BBS9: variants seen among roughly 807,000 people sequenced by gnomAD.
BBS9 encodes the protein Bardet-Biedl syndrome 9.
Under a neutral mutation model 117.7 loss-of-function variants are expected in BBS9, and 89 were observed. The ratio of observed to expected loss-of-function variants is 0.76; its 90% CI spans 0.64 to 0.90. The LOEUF (loss-of-function observed/expected upper bound fraction) is 0.90. BBS9 is among the 40% of genes least tolerant of loss of function. BBS9 has a pLI of 0.00. For missense variants in BBS9, 982 were observed against 1,042.2 expected, an observed-to-expected ratio of 0.94 and a Z score of 0.80; for synonymous variants, 379 against 370.9, an observed-to-expected ratio of 1.02 and a Z score of -0.25.
intron 21 of BBS9, among the ~76,000 whole-genome samples, chr7:33,579,954 C>T (rs1859599400): frequency 6.6e-6 from 1 of 152,070 alleles, no homozygotes; most frequent in South Asian, 2.1e-4. Context: ...ATTGGAACAC[C>T]ATAAATGCAG....
rs368160772 is a variant in BBS9 at position 33,514,236 on chromosome 7, A to C, written c.2298+8591A>C. On this transcript the variant is annotated intron_variant, in intron 20 of 22. Transcript: ENST00000242067. ...CCTTATCTGTACGGTGGTGAACTAG[A>C]CTATTCCCCAAGGACTGGTTCTGCT... Among the ~76,000 whole-genome samples, 4 of 152,182 alleles carry C rather than the reference A, an allele frequency of 2.6e-5. No individual in the cohort carries two copies. In the East Asian group the frequency reaches 7.7e-4, roughly 29 times the overall value.
At chr7:33,581,440 T>G (rs915423582) in intron 21 of BBS9, among the ~76,000 whole-genome samples, 5 of 152,164 alleles carry the variant, frequency 3.3e-5, no homozygotes, top group Non-Finnish European at 5.9e-5. Context: ...CTTTGTTTTA[T>G]AGCCTGTCTA....
At chr7:33,515,590 A>G (rs1847637991) in intron 20 of BBS9, among the ~76,000 whole-genome samples, 1 of 152,236 alleles carries the variant, frequency 6.6e-6, no homozygotes, top group African/African-American at 2.4e-5. Flanking sequence ...TCAGCAAGAA[A>G]TTTTAGGCAA....
intron 9 of BBS9, among the ~76,000 whole-genome samples, chr7:33,319,642 A>G (rs781516493): frequency 6.6e-6 from 1 of 152,046 alleles, no homozygotes; most frequent in Non-Finnish European, 1.5e-5. Flanking sequence ...ATCATTAGTG[A>G]TGTTGAATAT....
At chr7:33,204,861 C>T (rs1345015150) in intron 5 of BBS9, among the ~76,000 whole-genome samples, 2 of 152,190 alleles carry the variant, frequency 1.3e-5, no homozygotes, top group Non-Finnish European at 2.9e-5. Context: ...CATTGATAAT[C>T]ATAACTTCCT....
intron 21 of BBS9, among the ~76,000 whole-genome samples, chr7:33,558,112 A>C (rs1046327587): frequency 6.6e-6 from 1 of 152,232 alleles, no homozygotes; most frequent in African/African-American, 2.4e-5. Context: ...TTATTTTATA[A>C]ATCCTTATTG....
chr7:33,152,642 TA>T, intron 2 of BBS9, 58 bp from the exon 3 acceptor site: 1 of 1,487,126 alleles, frequency 6.7e-7, no homozygotes, highest in Non-Finnish European at 9.3e-7. Flanking sequence ...GCTTATTTCC[TA>T]AGAGATTTGC....
chr7:33,340,620 C>T (rs1816315428), intron 10 of BBS9, among the ~76,000 whole-genome samples: 1 of 152,096 alleles, frequency 6.6e-6, no homozygotes, highest in Non-Finnish European at 1.5e-5. Flanking sequence ...TGGGCTTCCA[C>T]TAGTAGTTAC....
At chr7:33,252,023 C>T (rs1420153) in intron 5 of BBS9, among the ~76,000 whole-genome samples, 27,909 of 152,062 alleles carry the variant, frequency 0.18, 3,397 homozygotes, top group Admixed American at 0.34. Flanking sequence ...ATGATGCTGG[C>T]ATCTGCTTGG....
chr7:33,351,025 A>G (rs1818554738), intron 13 of BBS9, among the ~76,000 whole-genome samples, 194 bp from the exon 14 acceptor site: 1 of 152,176 alleles, frequency 6.6e-6, no homozygotes, highest in Non-Finnish European at 1.5e-5. Flanking sequence ...TCTGTATTTC[A>G]GTTTTCTCAT....
intron 11 of BBS9, among the ~76,000 whole-genome samples, chr7:33,342,399 C>T (rs1307822280): frequency 6.6e-6 from 1 of 151,552 alleles, no homozygotes. Flanking sequence ...ACTTTTTTTT[C>T]CTTTGGGCAA....
chr7:33,436,177 T>G (rs1225970817), intron 19 of BBS9, among the ~76,000 whole-genome samples: 1 of 152,192 alleles, frequency 6.6e-6, no homozygotes, highest in African/African-American at 2.4e-5. Flanking sequence ...GTTGTTGGTT[T>G]GCCATTACCT....
At chr7:33,459,381 G>A (rs71532577) in intron 19 of BBS9, among the ~76,000 whole-genome samples, 23,484 of 151,606 alleles carry the variant, frequency 0.15, 2,273 homozygotes, top group South Asian at 0.21. Context: ...GATACCATTG[G>A]CATCTAGTAA....
chr7:33,625,189 C>T (rs1227569636), intron 21 of BBS9, among the ~76,000 whole-genome samples: 1 of 151,962 alleles, frequency 6.6e-6, no homozygotes, highest in Non-Finnish European at 1.5e-5. Context: ...GGGTCCTATT[C>T]TATATGGGCT....
Position 33,184,534 on chromosome 7 carries a change from C to T in BBS9, c.442+6943C>T, listed in dbSNP as rs4720111. ...AGTTGGGTCTCGAACCCAAATTTGT[C>T]GAGAATCCTTACTTTTTATTAAGAG... On this transcript the variant is annotated intron_variant, in intron 5 of 22. Transcript: ENST00000242067. Among the ~76,000 whole-genome samples, 2,762 of 152,202 alleles carry T rather than the reference C, an allele frequency of 0.018. 233 individuals carry two copies. The East Asian group carries it at 0.28, about 15-fold the overall frequency.
chr7:33,131,780 AT>A (rs1341452847), intron 1 of BBS9, among the ~76,000 whole-genome samples: 3 of 152,356 alleles, frequency 2.0e-5, no homozygotes, highest in African/African-American at 7.2e-5. Context: ...GGCAGAAAAA[AT>A]AAAAATTATT....
chr7:33,445,486 A>G (rs1005905258), intron 19 of BBS9, among the ~76,000 whole-genome samples: 1 of 152,208 alleles, frequency 6.6e-6, no homozygotes, highest in South Asian at 2.1e-4. Context: ...TTGTATGTTG[A>G]TGCATAAAGT....
At chr7:33,404,616 T>C (rs111778007) in intron 19 of BBS9, among the ~76,000 whole-genome samples, 2 of 148,078 alleles carry the variant, frequency 1.4e-5, no homozygotes, top group Non-Finnish European at 3.0e-5. Context: ...ATTGTGAATG[T>C]GAGTTCACTC....
At chr7:33,451,038 G>A (rs910644779) in intron 19 of BBS9, among the ~76,000 whole-genome samples, 7 of 151,764 alleles carry the variant, frequency 4.6e-5, no homozygotes, top group African/African-American at 1.2e-4. Flanking sequence ...ACAGGCGCCC[G>A]CCACCATGCC....
Sources: gnomAD v4.1 joint callset for allele counts (sites outside exome capture counted in the v4.1 genomes callset) on GRCh38, gnomAD v4.1.1 for gene constraint, MANE v1.5 for transcripts, NCBI Gene and HGNC (gene_info 2026-07-23, HGNC 2026-07-21) for gene names.